Variants in IL1RAPL2 observed in about 807,000 individuals in gnomAD.
IL1RAPL2 encodes X-linked interleukin-1 receptor accessory protein-like 2.
IL1RAPL2 carries 3 observed loss-of-function variants against 44.1 expected under a neutral mutation model. The observed-to-expected ratio is 0.07, with a 90% CI of 0.03 to 0.18. The LOEUF (loss-of-function observed/expected upper bound fraction) is 0.18, where lower values mean the gene tolerates loss of function less well. Ranked by LOEUF, IL1RAPL2 falls within the 10% of genes least tolerant of loss-of-function variation. The pLI is 1.00. For synonymous variants in IL1RAPL2, 181 were observed against 178.8 expected (o/e 1.01, Z -0.10); for missense variants, 391 against 496.4 (o/e 0.79, Z 2.02).
chrX:105,344,530 T>C (rs960966442), intron 5 of IL1RAPL2, among the ~76,000 whole-genome samples: 3 of 112,043 alleles, frequency 2.7e-5, no homozygotes, highest in African/African-American at 9.7e-5. Flanking sequence ...ATCATTGTTA[T>C]TTGGGACTGG....
At chrX:104,799,760 A>G (rs1221827989) in intron 2 of IL1RAPL2, among the ~76,000 whole-genome samples, 1 of 111,706 alleles carries the variant, frequency 9.0e-6, no homozygotes, top group Non-Finnish European at 1.9e-5. Context: ...TATACACTGA[A>G]GAAAGATTCA....
intron 1 of IL1RAPL2, among the ~76,000 whole-genome samples, chrX:104,585,141 A>G (rs1340360670): frequency 2.0e-5 from 1 of 50,520 alleles, no homozygotes; most frequent in Non-Finnish European, 3.1e-5. Flanking sequence ...AGACATATAT[A>G]CACACACACA....
intron 5 of IL1RAPL2, among the ~76,000 whole-genome samples, chrX:105,420,430 C>T (rs994153123): frequency 2.7e-5 from 3 of 111,491 alleles, no homozygotes; most frequent in Non-Finnish European, 5.6e-5. Context: ...TATGTATTAA[C>T]CCCAAATCCT....
chrX:105,050,071 T>TA (rs1277486108), intron 2 of IL1RAPL2, among the ~76,000 whole-genome samples: 1 of 112,191 alleles, frequency 8.9e-6, no homozygotes, highest in Non-Finnish European at 1.9e-5. Flanking sequence ...TCTAATTGAA[T>TA]AAAATTGTTA....
chrX:105,328,643 A>G, intron 5 of IL1RAPL2, among the ~76,000 whole-genome samples: 1 of 111,783 alleles, frequency 8.9e-6, no homozygotes, highest in South Asian at 3.7e-4. Context: ...GGGGTTAGAC[A>G]CTAATTATGA....
chrX:105,002,643 C>T (rs1055595087), intron 2 of IL1RAPL2, among the ~76,000 whole-genome samples: 6 of 110,516 alleles, frequency 5.4e-5, no homozygotes, highest in African/African-American at 2.0e-4. Flanking sequence ...TACCTTCCTT[C>T]CTAGAATGAG....
Position 104,704,293 on chromosome X carries a change from A to G in IL1RAPL2, c.82+45298A>G, listed in dbSNP as rs190822560. On this transcript the variant is annotated intron_variant, in intron 2 of 10. Coordinates refer to ENST00000372582, the MANE Select transcript of IL1RAPL2 (RefSeq NM_017416.2). ...GAGCTTGGCATAATCAAGCAGCACA[A>G]AAGTGGCCAGTGTGGCTGGAACACA... Among the ~76,000 whole-genome samples the G allele has an allele frequency of 5.3e-4, 59 of 111,698 alleles. No individual in the cohort carries two copies. In the East Asian group the frequency reaches 0.016, roughly 31 times the overall value.
chrX:105,713,364 G>A (rs969520489), intron 6 of IL1RAPL2, among the ~76,000 whole-genome samples: 2 of 111,299 alleles, frequency 1.8e-5, no homozygotes, highest in South Asian at 3.8e-4. Flanking sequence ...AAATCTAGGC[G>A]GAGGGTCCCA....
chrX:105,485,293 G>C (rs749709515), intron 6 of IL1RAPL2, among the ~76,000 whole-genome samples: 13 of 111,082 alleles, frequency 1.2e-4, no homozygotes, highest in African/African-American at 4.2e-4. Context: ...CATTTAGAAA[G>C]GTTTTTCTTT....
intron 2 of IL1RAPL2, among the ~76,000 whole-genome samples, chrX:104,829,088 G>A (rs1362993227): frequency 8.9e-6 from 1 of 112,070 alleles, no homozygotes; most frequent in Non-Finnish European, 1.9e-5. Context: ...GATCTGCTGA[G>A]CAAGACCACT....
chrX:104,630,531 C>T (rs190017905), intron 1 of IL1RAPL2, among the ~76,000 whole-genome samples: 3 of 109,046 alleles, frequency 2.8e-5, no homozygotes, highest in East Asian at 5.8e-4. Flanking sequence ...CTTCTGACCT[C>T]AGGCAATCCA....
Position 105,177,479 on chromosome X carries a change from A to G in IL1RAPL2, c.83-17996A>G, listed in dbSNP as rs779866903. ...AATGCCCTAGAATCATCCCCAAACC[A>G]TCTCCTCCCCCAATCCCTAGAAAAA... On this transcript the variant is annotated intron_variant, in intron 2 of 10. Coordinates refer to ENST00000372582, the MANE Select transcript of IL1RAPL2 (RefSeq NM_017416.2). Among the ~76,000 whole-genome samples, 19 of 110,339 alleles carry G rather than the reference A, an allele frequency of 1.7e-4. No homozygotes were observed. The South Asian group carries it at 7.4e-3, about 43-fold the overall frequency.
Position 105,601,996 on chromosome X carries a change from G to T in IL1RAPL2, c.773-115371G>T, listed in dbSNP as rs1056580195. 8.1e-5 allele frequency among the ~76,000 whole-genome samples: 9 copies of T among 111,255 alleles called. No homozygotes were observed. The East Asian group carries it at 1.4e-3, about 18-fold the overall frequency. Reference sequence around the variant, plus strand: ...ATGTGTGCACTCCCTAGAAGCTGAGGGCTTGCCTGCCAGGTGCCTGCTTCC... The same window carrying T: ...ATGTGTGCACTCCCTAGAAGCTGAGTGCTTGCCTGCCAGGTGCCTGCTTCC... On this transcript the variant is annotated intron_variant, in intron 6 of 10. Transcript: ENST00000372582.
At chrX:105,588,004 A>T (rs2147817157) in intron 6 of IL1RAPL2, among the ~76,000 whole-genome samples, 1 of 111,951 alleles carries the variant, frequency 8.9e-6, no homozygotes, top group African/African-American at 3.2e-5. Context: ...ACACCACTGC[A>T]CTCCAGCCTG....
rs1289517343 is a variant in IL1RAPL2 at position 105,420,031 on chromosome X, TA to T, written c.698-64273del. On this transcript the variant is annotated intron_variant, in intron 5 of 10. Transcript: ENST00000372582. ...CAGTGTTTTGAACTTTCCTCCACATTAAAAAAAAATGTTGGAGATAAGAAAA... is the reference window on the plus strand; with the variant it reads ...CAGTGTTTTGAACTTTCCTCCACATTAAAAAAAATGTTGGAGATAAGAAAA... Among the ~76,000 whole-genome samples the T allele has an allele frequency of 2.4e-3, 263 of 108,510 alleles. 1 individual carries two copies. The Middle Eastern group carries it at 0.028, about 12-fold the overall frequency. The allele number at this position is 108,510 out of a possible 115,157, so 94.2% of individuals were successfully genotyped here.
intron 2 of IL1RAPL2, among the ~76,000 whole-genome samples, chrX:105,027,711 C>A (rs1037523304): frequency 5.4e-5 from 6 of 110,941 alleles, no homozygotes; most frequent in East Asian, 2.8e-4. Context: ...AAAAGGGAAC[C>A]CTTGTATACT....
intron 2 of IL1RAPL2, among the ~76,000 whole-genome samples, chrX:104,704,986 TTGGGAAGA>T (rs1170035872): frequency 7.2e-5 from 8 of 111,726 alleles, no homozygotes; most frequent in Admixed American, 3.8e-4. Context: ...TACTTTTCTA[TTGGGAAGA>T]TGGGAAGGTG....
At chrX:105,304,555 A>G (rs181526111) in intron 5 of IL1RAPL2, among the ~76,000 whole-genome samples, 80 of 112,374 alleles carry the variant, frequency 7.1e-4, no homozygotes, top group African/African-American at 2.6e-3. Flanking sequence ...GTTCCTAAAC[A>G]GTCTTATGAC....
At chrX:105,345,375 G>A (rs764331150) in intron 5 of IL1RAPL2, among the ~76,000 whole-genome samples, 71 of 111,156 alleles carry the variant, frequency 6.4e-4, no homozygotes, top group Non-Finnish European at 1.2e-3. Flanking sequence ...TTTTTCCATC[G>A]GATAGTTAAG....
Sources: allele counts gnomAD v4.1 joint callset (sites outside exome capture counted in the v4.1 genomes callset), GRCh38; gene constraint gnomAD v4.1.1; transcripts MANE v1.5; gene names NCBI Gene and HGNC (gene_info 2026-07-23, HGNC 2026-07-21).